APBA2: variants seen among roughly 807,000 people sequenced by gnomAD.
The protein encoded by APBA2 is amyloid beta precursor protein binding family A member 2, also known as amyloid-beta A4 precursor protein-binding family A member 2.
Under a neutral mutation model 75.0 loss-of-function variants are expected in APBA2, and 30 were observed. That is an observed-to-expected ratio of 0.40 (90% CI 0.30 to 0.54). The LOEUF (loss-of-function observed/expected upper bound fraction) is 0.54. Among genes scored for constraint, APBA2 ranks in the 20% least tolerant of loss-of-function variants. The probability of loss-of-function intolerance (pLI) is 0.49; values close to 1 mark genes in which losing one functional copy is unlikely to be tolerated. For missense variants in APBA2, 801 were observed against 1,016.1 expected (o/e 0.79, Z 2.88); for synonymous variants, 444 against 409.6 (o/e 1.08, Z -1.01).
chr15:29,103,301 A>G (rs183175506), intron 10 of APBA2, among the ~76,000 whole-genome samples: 54 of 152,346 alleles, frequency 3.5e-4, no homozygotes, highest in African/African-American at 1.2e-3. Flanking sequence ...TGCCAGCAAC[A>G]GCAGCCTCCT....
chr15:28,906,615 G>A (rs1156576178), intron 1 of APBA2, among the ~76,000 whole-genome samples: 1 of 152,142 alleles, frequency 6.6e-6, no homozygotes, highest in African/African-American at 2.4e-5. Flanking sequence ...CTGGTGTGTG[G>A]GGCAGCGGTG....
intron 3 of APBA2, among the ~76,000 whole-genome samples, chr15:29,033,502 G>A (rs1442793861): frequency 6.6e-6 from 1 of 152,048 alleles, no homozygotes; most frequent in Admixed American, 6.6e-5. Context: ...CCAAATTCAG[G>A]GGTCCTCAGG....
chr15:28,911,192 T>C (rs992301984), intron 1 of APBA2, among the ~76,000 whole-genome samples: 14 of 152,160 alleles, frequency 9.2e-5, no homozygotes, highest in Admixed American at 5.2e-4. Flanking sequence ...ATTTGGGGAC[T>C]CTGTTGCACT....
intron 2 of APBA2, among the ~76,000 whole-genome samples, chr15:28,979,395 G>A (rs72716204): frequency 0.028 from 4,211 of 152,330 alleles, 74 homozygotes; most frequent in Non-Finnish European, 0.031. Context: ...GAGCCAATGT[G>A]TGTGGTCCTC....
At chr15:28,900,190 C>T (rs902312285) in intron 1 of APBA2, among the ~76,000 whole-genome samples, 2 of 152,218 alleles carry the variant, frequency 1.3e-5, no homozygotes, top group African/African-American at 4.8e-5. Context: ...TTCCCAGCCT[C>T]CTCCGCCTGG....
At chr15:29,113,162 G>C (rs1174107315) in intron 13 of APBA2, among the ~76,000 whole-genome samples, 2 of 152,028 alleles carry the variant, frequency 1.3e-5, no homozygotes, top group Non-Finnish European at 2.9e-5. Context: ...CACGGCGCCT[G>C]TTTTCCATTC....
Position 29,098,493 on chromosome 15 carries a change from T to A in APBA2, c.1255T>A (p.Ser419Thr). The change falls in exon 9 of 15, where the codon TCT (serine) becomes ACT (threonine). Residue 419 changes from serine (S) to threonine (T), a missense_variant. Physicochemically the swap from Ser to Thr is moderately conservative, Grantham distance 58 (BLOSUM62 1). Around this residue, in one of 2 missense-constraint regions of APBA2, gnomAD observed 367 missense variants for 544.5 expected, o/e 0.67. Transcript: ENST00000683413. ...CAATATCCACTGTCCTTCTTAGAATTCTGAGGGGGATGCCCAGACGCTGAC... is the reference window on the plus strand; with the variant it reads ...CAATATCCACTGTCCTTCTTAGAATACTGAGGGGGATGCCCAGACGCTGAC... ...KAAKIKKKAN[S>T]EGDAQTLTEV... is the part of the protein sequence containing the mutation. The A allele has an allele frequency of 6.2e-7, 1 of 1,613,742 alleles. No homozygotes were observed. Among genetic ancestry groups the A allele is most frequent in the Non-Finnish European group, 8.5e-7 (1 of 1,179,602 alleles).
Position 29,054,940 on chromosome 15 carries a change from G to C in APBA2, c.951+105G>C. On this transcript the variant is annotated intron_variant, in intron 4 of 14. Coordinates refer to ENST00000683413, the MANE Select transcript of APBA2 (RefSeq NM_001353788.2). The surrounding 1 kb of genome is among the most constrained non-coding windows in gnomAD (Gnocchi z 6.1). ...TGAAGCGAGGCGGTGGGGGGTGCTGGGTGCCTCACAGTTCTAATGGTGGCT... is the reference window on the plus strand; with the variant it reads ...TGAAGCGAGGCGGTGGGGGGTGCTGCGTGCCTCACAGTTCTAATGGTGGCT... 8.9e-7 allele frequency: 1 copy of C among 1,127,758 alleles called. No homozygotes were observed. The highest frequency in any genetic ancestry group is 1.3e-6 in the Non-Finnish European group (1 of 778,308). 69.9% of individuals were successfully genotyped at this position (1,127,758 alleles called of 1,614,324 possible).
chr15:29,026,271 C>T (rs1334173496), intron 3 of APBA2, among the ~76,000 whole-genome samples: 1 of 152,200 alleles, frequency 6.6e-6, no homozygotes, highest in Non-Finnish European at 1.5e-5. Context: ...AGAGCACACA[C>T]TCAGGTGCAT....
intron 3 of APBA2, among the ~76,000 whole-genome samples, chr15:29,018,182 G>C (rs1414973445): frequency 6.6e-6 from 1 of 152,146 alleles, no homozygotes; most frequent in Non-Finnish European, 1.5e-5. Flanking sequence ...TAAAGATATT[G>C]ATAGAGATCG....
chr15:29,113,980 G>A lies in APBA2; in HGVS notation c.2142G>A (p.Glu714=). ...NGQSVVATAH[E]KIVQALSNSV... ...AGAGCGTGGTGGCCACAGCCCACGA[G>A]AAGATAGTCCAAGCTCTGTCCAACT... The change falls in exon 14 of 15, where the codon GAG becomes GAA. Residue 714 remains glutamate, a synonymous_variant. Transcript: ENST00000683413. The A allele has an allele frequency of 6.2e-7, 1 of 1,613,848 alleles. No homozygotes were observed. The highest frequency in any genetic ancestry group is 8.5e-7 in the Non-Finnish European group (1 of 1,180,044).
intron 2 of APBA2, among the ~76,000 whole-genome samples, chr15:28,978,158 G>A (rs2037438809): frequency 6.6e-6 from 1 of 152,196 alleles, no homozygotes; most frequent in Non-Finnish European, 1.5e-5. Context: ...TACAAGATGA[G>A]GGCCCTGTCC....
In APBA2 at chr15:29,117,165, C is replaced by A; in HGVS notation, c.*32C>A. 1 of 1,604,488 alleles carries A rather than the reference C, an allele frequency of 6.2e-7. No individual in the cohort carries two copies. The highest frequency in any genetic ancestry group is 8.5e-7 in the Non-Finnish European group (1 of 1,172,516). On this transcript the variant is annotated 3_prime_UTR_variant, in exon 15 of 15. Transcript: ENST00000683413. ...CCAGCCTGGCCACGCAGCCAGGACA[C>A]CGGGCAGGGCCGCCCGGGCCCAGAG... is the stretch of plus-strand genomic sequence containing the variant.
At chr15:28,901,106 C>T (rs1343472935) in intron 1 of APBA2, among the ~76,000 whole-genome samples, 1 of 152,210 alleles carries the variant, frequency 6.6e-6, no homozygotes, top group Non-Finnish European at 1.5e-5. Flanking sequence ...GTGCGTGAAG[C>T]AAGCTGGTGT....
chr15:29,050,971 G>C (rs769957694), intron 3 of APBA2, among the ~76,000 whole-genome samples: 1 of 126,520 alleles, frequency 7.9e-6, no homozygotes, highest in African/African-American at 4.7e-5. Flanking sequence ...GCCCTTTGCC[G>C]TCCTGACGTC....
At chr15:29,081,108 C>T (rs776251851) in intron 6 of APBA2, among the ~76,000 whole-genome samples, 3 of 152,202 alleles carry the variant, frequency 2.0e-5, no homozygotes, top group Non-Finnish European at 2.9e-5. Flanking sequence ...TCTCAGGGGT[C>T]CTCACAGTGG....
chr15:28,913,318 T>C (rs1011864852), intron 1 of APBA2, among the ~76,000 whole-genome samples: 2 of 152,188 alleles, frequency 1.3e-5, no homozygotes, highest in African/African-American at 2.4e-5. Flanking sequence ...TCTGGAGGCC[T>C]GGTGCCCTTT....
At chr15:28,887,807 G>A (rs781341416) in intron 1 of APBA2, among the ~76,000 whole-genome samples, 22 of 152,188 alleles carry the variant, frequency 1.4e-4, no homozygotes, top group Non-Finnish European at 2.4e-4. Context: ...TGTCAGGGGG[G>A]CCCTTGGAGT....
At chr15:29,084,307 C>T (rs924762303) in intron 6 of APBA2, among the ~76,000 whole-genome samples, 2 of 152,134 alleles carry the variant, frequency 1.3e-5, no homozygotes, top group Non-Finnish European at 1.5e-5. Context: ...ACAGAAGGAA[C>T]AATTTTACAT....
Sources: allele counts gnomAD v4.1 joint callset (sites outside exome capture counted in the v4.1 genomes callset), GRCh38; gene constraint gnomAD v4.1.1; regional missense constraint gnomAD v4.1.1; non-coding constraint Gnocchi (gnomAD v3.1); transcripts MANE v1.5; gene names NCBI Gene and HGNC (gene_info 2026-07-23, HGNC 2026-07-21).